The following SMURF1 variants were observed in gnomAD, a reference collection of about 807,000 sequenced individuals.
SMURF1 encodes SMAD specific E3 ubiquitin protein ligase 1.
Under a neutral mutation model 98.0 loss-of-function variants are expected in SMURF1, and 44 were observed. The observed-to-expected ratio is 0.45, with a 90% CI of 0.35 to 0.58. The LOEUF (loss-of-function observed/expected upper bound fraction) is 0.58. Among genes scored for constraint, SMURF1 ranks in the 20% least tolerant of loss-of-function variants. SMURF1 has a pLI of 0.00. For missense variants in SMURF1, 687 were observed against 938.4 expected (o/e 0.73, Z 3.50); for synonymous variants, 396 against 374.9 (o/e 1.06, Z -0.65).
chr7:99,132,768 C>T (rs73147625), intron 1 of SMURF1, among the ~76,000 whole-genome samples: 6,799 of 151,440 alleles, frequency 0.045, 187 homozygotes, highest in Middle Eastern at 0.068. Context: ...GGATTAAACT[C>T]GCCACATTTG....
intron 1 of SMURF1, among the ~76,000 whole-genome samples, chr7:99,075,104 C>T (rs1796421978): frequency 6.6e-6 from 1 of 152,116 alleles, no homozygotes; most frequent in South Asian, 2.1e-4. Context: ...TTCCTGACTC[C>T]TGGAGACATT....
chr7:99,052,480 A>T, intron 6 of SMURF1, 34 bp from the exon 7 acceptor site: 1 of 1,480,040 alleles, frequency 6.8e-7, no homozygotes, highest in Non-Finnish European at 9.0e-7. Context: ...GCATGGTGTC[A>T]CCATGGAGGA....
In SMURF1 at chr7:99,040,455, C is replaced by A; in HGVS notation, c.1473G>T (p.Gln491His). 1 of 1,594,258 alleles carries A rather than the reference C, an allele frequency of 6.3e-7. No individual in the cohort carries two copies. Among genetic ancestry groups the A allele is most frequent in the Non-Finnish European group, 8.5e-7 (1 of 1,170,198 alleles). ...NGGFTVPFYK[Q>H]LLGKPIQLSD... ...AGAGCTGGATGGGCTTCCCCAGCAG[C>A]TGCTTGTAGAAGGGCACTGTGAAGC... Residue 491 changes from glutamine to histidine, a missense_variant, in exon 13 of 18, where the codon CAG becomes CAT. Coordinates refer to ENST00000361368, the MANE Select transcript of SMURF1 (RefSeq NM_181349.3).
intron 1 of SMURF1, among the ~76,000 whole-genome samples, chr7:99,075,257 C>A (rs537756928): frequency 3.7e-4 from 57 of 152,264 alleles, no homozygotes; most frequent in Admixed American, 8.5e-4. Context: ...GTAGCTGGGA[C>A]TACAGGCATG....
chr7:99,139,202 C>G (rs566011752), intron 1 of SMURF1, among the ~76,000 whole-genome samples: 99 of 152,286 alleles, frequency 6.5e-4, no homozygotes, highest in African/African-American at 1.9e-3. Flanking sequence ...CAGCTATTAC[C>G]ACAACTATTT....
intron 1 of SMURF1, among the ~76,000 whole-genome samples, chr7:99,124,362 C>T (rs1797702497): frequency 6.6e-6 from 1 of 152,118 alleles, no homozygotes; most frequent in Admixed American, 6.5e-5. Flanking sequence ...GGCCAAAGGG[C>T]AGAAGGGGCA....
chr7:99,132,698 G>A (rs1011338732), intron 1 of SMURF1, among the ~76,000 whole-genome samples: 3 of 92,280 alleles, frequency 3.3e-5, no homozygotes, highest in African/African-American at 5.7e-5. Flanking sequence ...ACAGACACAC[G>A]GACACACACA....
At chr7:99,100,483 G>A (rs1202293351) in intron 1 of SMURF1, among the ~76,000 whole-genome samples, 3 of 152,298 alleles carry the variant, frequency 2.0e-5, no homozygotes, top group Non-Finnish European at 4.4e-5. Context: ...TTAACCTGGG[G>A]ACAGAGGTTG....
intron 1 of SMURF1, among the ~76,000 whole-genome samples, chr7:99,112,357 C>T (rs1033493897): frequency 2.6e-5 from 4 of 152,150 alleles, no homozygotes; most frequent in African/African-American, 4.8e-5. Context: ...TCATTCCAGA[C>T]GTGTAAATAA....
intron 1 of SMURF1, among the ~76,000 whole-genome samples, chr7:99,077,366 C>T (rs537155373): frequency 8.1e-5 from 12 of 148,674 alleles, no homozygotes; most frequent in Admixed American, 2.0e-4. Context: ...TGGAGTCTCG[C>T]TCTGTTGCCA....
At position 99,140,474 on chromosome 7, in the gene SMURF1, G is replaced by A. The variant is rs536104674; in HGVS notation, c.55+3252C>T. Among the ~76,000 whole-genome samples, 321 of 152,084 alleles carry A rather than the reference G, an allele frequency of 2.1e-3. 3 individuals carry two copies. Among genetic ancestry groups the A allele is most frequent in the Non-Finnish European group, 3.5e-3 (240 of 67,996 alleles). On this transcript the variant is annotated intron_variant, in intron 1 of 17. Coordinates refer to ENST00000361368, the MANE Select transcript of SMURF1 (RefSeq NM_181349.3). ...GCTAATTTTTTGTATTTCTACTAGA[G>A]ACGAGGTTTCACTGTGTTAGTCAGG...
intron 1 of SMURF1, among the ~76,000 whole-genome samples, chr7:99,112,323 G>A (rs1797343137): frequency 1.3e-5 from 2 of 152,280 alleles, no homozygotes; most frequent in Admixed American, 6.5e-5. Context: ...TGCAAAGACT[G>A]GGGGGTTTCT....
At chr7:99,064,245 A>C (rs892941330) in intron 1 of SMURF1, among the ~76,000 whole-genome samples, 1 of 152,114 alleles carries the variant, frequency 6.6e-6, no homozygotes, top group Non-Finnish European at 1.5e-5. Context: ...TTCATAGGCT[A>C]TCTAGTTTTG....
At chr7:99,119,250 C>T (rs1797537902) in intron 1 of SMURF1, among the ~76,000 whole-genome samples, 2 of 152,022 alleles carry the variant, frequency 1.3e-5, no homozygotes, top group Admixed American at 1.3e-4. Context: ...CAGTGGATTG[C>T]CTCTGGGGAA....
At chr7:99,069,848 A>C (rs773622580) in intron 1 of SMURF1, among the ~76,000 whole-genome samples, 8 of 152,248 alleles carry the variant, frequency 5.3e-5, no homozygotes, top group Non-Finnish European at 1.2e-4. Flanking sequence ...AAGTTTATGC[A>C]TACACAAGAC....
intron 1 of SMURF1, among the ~76,000 whole-genome samples, chr7:99,063,276 T>TA (rs1796102486): frequency 7.3e-5 from 1 of 13,680 alleles, no homozygotes. Flanking sequence ...TATATATATA[T>TA]ATATATATAT....
At chr7:99,113,756 G>A (rs898490432) in intron 1 of SMURF1, among the ~76,000 whole-genome samples, 2 of 149,446 alleles carry the variant, frequency 1.3e-5, no homozygotes, top group Non-Finnish European at 1.5e-5. Context: ...GGAGAATGGC[G>A]TGAACCCGGG....
At chr7:99,122,852 G>A (rs533797502) in intron 1 of SMURF1, among the ~76,000 whole-genome samples, 38 of 144,888 alleles carry the variant, frequency 2.6e-4, no homozygotes, top group African/African-American at 8.5e-4. Flanking sequence ...AAAATATCTC[G>A]AAGATCAAAT....
intron 1 of SMURF1, among the ~76,000 whole-genome samples, chr7:99,090,852 G>A (rs927199812): frequency 1.4e-4 from 22 of 151,932 alleles, no homozygotes; most frequent in African/African-American, 5.1e-4. Flanking sequence ...ATGCAAACTC[G>A]GAAATGCTGC....
Sources: allele counts gnomAD v4.1 joint callset (sites outside exome capture counted in the v4.1 genomes callset), GRCh38; gene constraint gnomAD v4.1.1; transcripts MANE v1.5; gene names NCBI Gene and HGNC (gene_info 2026-07-23, HGNC 2026-07-21).